BABAM2: variants seen among roughly 807,000 people sequenced by gnomAD.
BABAM2 encodes BRISC and BRCA1-A complex member 2.
In BABAM2, 31 loss-of-function variants were observed where a neutral mutation model predicts 54.7. The ratio of observed to expected loss-of-function variants is 0.57; its 90% CI spans 0.43 to 0.77. The LOEUF is 0.77. Among genes scored for constraint, BABAM2 ranks in the 30% least tolerant of loss-of-function variants. BABAM2 has a pLI of 0.00. For synonymous variants in BABAM2, 167 were observed against 162.9 expected, an observed-to-expected ratio of 1.03 and a Z score of -0.19; for missense variants, 364 against 455.8, an observed-to-expected ratio of 0.80 and a Z score of 1.83.
chr2:28,287,317 G>A (rs548958862), intron 10 of BABAM2, among the ~76,000 whole-genome samples: 1 of 152,214 alleles, frequency 6.6e-6, no homozygotes, highest in East Asian at 1.9e-4. Context: ...TCCCAGGCCA[G>A]GAGTTTATTT....
At chr2:27,997,957 A>G (rs538530533) in intron 4 of BABAM2, among the ~76,000 whole-genome samples, 101 of 152,280 alleles carry the variant, frequency 6.6e-4, no homozygotes, top group Non-Finnish European at 9.1e-4. Flanking sequence ...GTTTGAGACA[A>G]GCCTGACCAA....
intron 11 of BABAM2, among the ~76,000 whole-genome samples, chr2:28,330,786 C>T (rs931246533): frequency 2.6e-5 from 4 of 152,148 alleles, no homozygotes; most frequent in African/African-American, 9.7e-5. Flanking sequence ...CAATGCTTTT[C>T]CCATTAAACT....
chr2:27,972,445 G>T lies in BABAM2; in HGVS notation c.206-15548G>T, dbSNP rs115506775. Among the ~76,000 whole-genome samples, 962 of 152,316 alleles carry T rather than the reference G, an allele frequency of 6.3e-3. 7 individuals carry two copies. Among genetic ancestry groups the T allele is most frequent in the Non-Finnish European group, 7.9e-3 (534 of 68,024 alleles). ...GACATTTTACATGGAGATAGTCATG[G>T]AAAATTAAGTGACCTTTCTTACCTT... is the stretch of plus-strand genomic sequence containing the variant. On this transcript the variant is annotated intron_variant, in intron 3 of 11. Transcript: ENST00000379624.
At chr2:28,253,716 G>A (rs989980158) in intron 10 of BABAM2, among the ~76,000 whole-genome samples, 10 of 152,208 alleles carry the variant, frequency 6.6e-5, no homozygotes, top group African/African-American at 2.2e-4. Context: ...TAAGCCCCAA[G>A]AACAAGAGCA....
At chr2:28,018,511 G>A (rs1181930376) in intron 4 of BABAM2, among the ~76,000 whole-genome samples, 1 of 152,134 alleles carries the variant, frequency 6.6e-6, no homozygotes, top group Non-Finnish European at 1.5e-5. Context: ...TTTCCTCTGG[G>A]TGGATACCTA....
intron 5 of BABAM2, among the ~76,000 whole-genome samples, chr2:28,034,030 T>C (rs1276029252): frequency 6.6e-6 from 1 of 152,210 alleles, no homozygotes; most frequent in East Asian, 1.9e-4. Context: ...GCTTATCCAT[T>C]AAGCTCTGGC....
chr2:27,974,361 A>T (rs66906190), intron 3 of BABAM2, among the ~76,000 whole-genome samples: 11,968 of 152,178 alleles, frequency 0.079, 800 homozygotes, highest in African/African-American at 0.18. Flanking sequence ...ATATATGTAT[A>T]CAACATACAT....
At chr2:28,017,453 A>G (rs940004438) in intron 4 of BABAM2, among the ~76,000 whole-genome samples, 3 of 152,248 alleles carry the variant, frequency 2.0e-5, no homozygotes, top group Admixed American at 2.0e-4. Context: ...TTAAAATTAG[A>G]AATTACCTAA....
At chr2:28,302,452 CT>C (rs890839883) in intron 11 of BABAM2, among the ~76,000 whole-genome samples, 4 of 151,104 alleles carry the variant, frequency 2.6e-5, no homozygotes, top group Non-Finnish European at 5.9e-5. Flanking sequence ...TATGGCATTT[CT>C]TTTTTACTGC....
intron 4 of BABAM2, among the ~76,000 whole-genome samples, chr2:28,005,595 A>G (rs755898890): frequency 6.6e-6 from 1 of 152,186 alleles, no homozygotes; most frequent in Non-Finnish European, 1.5e-5. Flanking sequence ...GATTAATTGC[A>G]TACCTTCTTT....
intron 7 of BABAM2, among the ~76,000 whole-genome samples, chr2:28,175,893 C>T (rs1383955229): frequency 3.3e-5 from 5 of 152,180 alleles, no homozygotes; most frequent in Non-Finnish European, 5.9e-5. Context: ...GTCCCCATCC[C>T]CAACAAAACC....
At chr2:27,890,520 T>C (rs1344465761), upstream of BABAM2, 6 of 613,608 alleles carry the variant, frequency 9.8e-6, no homozygotes, top group Non-Finnish European at 1.7e-5. This position sits in a 1 kb window ranked among gnomAD's most constrained non-coding sequence, Gnocchi z 4.8. Flanking sequence ...CTCTTCTTCC[T>C]GGAATAGTCT....
chr2:28,230,088 C>T (rs947668158), intron 7 of BABAM2, among the ~76,000 whole-genome samples: 15 of 152,090 alleles, frequency 9.9e-5, no homozygotes, highest in Non-Finnish European at 2.1e-4. Flanking sequence ...TCACAGAGTC[C>T]TTACTTACAG....
chr2:27,978,081 T>C (rs1484983187), intron 3 of BABAM2, among the ~76,000 whole-genome samples: 1 of 152,146 alleles, frequency 6.6e-6, no homozygotes, highest in African/African-American at 2.4e-5. Flanking sequence ...AATATCATGT[T>C]GAAATGTGAC....
At chr2:28,059,614 A>G (rs1030317508) in intron 6 of BABAM2, among the ~76,000 whole-genome samples, 4 of 152,236 alleles carry the variant, frequency 2.6e-5, no homozygotes, top group African/African-American at 9.6e-5. Context: ...AGTATGGTCC[A>G]AGGACTGCTG....
chr2:27,947,201 T>G (rs1669360951), intron 3 of BABAM2, among the ~76,000 whole-genome samples: 1 of 152,158 alleles, frequency 6.6e-6, no homozygotes. Context: ...TATTTTCTAA[T>G]TGTTATGTCA....
chr2:28,130,439 C>T (rs981780274), intron 7 of BABAM2, among the ~76,000 whole-genome samples: 5 of 152,044 alleles, frequency 3.3e-5, no homozygotes, highest in African/African-American at 1.2e-4. Flanking sequence ...TTTACAGTAG[C>T]AGACACTCAA....
At chr2:28,064,036 T>C (rs1410095491) in intron 6 of BABAM2, among the ~76,000 whole-genome samples, 2 of 152,212 alleles carry the variant, frequency 1.3e-5, no homozygotes, top group Admixed American at 6.5e-5. Flanking sequence ...GGAGGCTTCC[T>C]GTAGAGCAAG....
intron 2 of BABAM2, among the ~76,000 whole-genome samples, chr2:27,902,932 A>T (rs1665909746): frequency 6.6e-6 from 1 of 151,734 alleles, no homozygotes; most frequent in Non-Finnish European, 1.5e-5. Context: ...TGTGAGAGAG[A>T]GAGAGAGAGA....
Sources: gnomAD v4.1 joint callset for allele counts (sites outside exome capture counted in the v4.1 genomes callset) on GRCh38, gnomAD v4.1.1 for gene constraint, Gnocchi (gnomAD v3.1) non-coding constraint, MANE v1.5 for transcripts, NCBI Gene and HGNC (gene_info 2026-07-23, HGNC 2026-07-21) for gene names.